The following PCCA variants were observed in gnomAD, a reference collection of about 807,000 sequenced individuals.
PCCA encodes the protein propionyl-CoA carboxylase alpha chain, mitochondrial.
Under a neutral mutation model 101.3 loss-of-function variants are expected in PCCA, and 74 were observed. That is an observed-to-expected ratio of 0.73 (90% CI 0.61 to 0.89). The LOEUF (loss-of-function observed/expected upper bound fraction) is 0.89, where lower values mean the gene tolerates loss of function less well. PCCA is among the 40% of genes least tolerant of loss of function. The pLI, the probability that PCCA is intolerant of heterozygous loss-of-function variation, is 0.00. For missense variants in PCCA, 891 were observed against 907.0 expected (o/e 0.98, Z 0.23); for synonymous variants, 294 against 313.6 (o/e 0.94, Z 0.66).
intron 21 of PCCA, among the ~76,000 whole-genome samples, chr13:100,493,353 T>C (rs1447508509): frequency 6.6e-6 from 1 of 152,052 alleles, no homozygotes; most frequent in Non-Finnish European, 1.5e-5. Context: ...GATGTGGAGG[T>C]GTGCGCTGCC....
intron 8 of PCCA, among the ~76,000 whole-genome samples, chr13:100,239,791 T>C (rs996668896): frequency 1.3e-5 from 2 of 152,190 alleles, no homozygotes; most frequent in Non-Finnish European, 2.9e-5. Flanking sequence ...TTTCCTTTGC[T>C]TGTCTTTCTC....
At position 100,090,586 on chromosome 13, in the gene PCCA, A is replaced by G. The variant is rs187510893; in HGVS notation, c.105+1361A>G. 1.3e-4 allele frequency among the ~76,000 whole-genome samples: 20 copies of G among 152,254 alleles called. No individual in the cohort carries two copies. The East Asian group carries it at 3.1e-3, about 24-fold the overall frequency. On this transcript the variant is annotated intron_variant, in intron 1 of 23. Transcript: ENST00000376285. ...TGTCTTCCACTTCTGGGGAATGAAT[A>G]TGGTTTCTGCTTTCTTAGAAATTTT...
chr13:100,504,506 G>A (rs2152990730), intron 21 of PCCA, among the ~76,000 whole-genome samples: 1 of 152,336 alleles, frequency 6.6e-6, no homozygotes, highest in Non-Finnish European at 1.5e-5. Flanking sequence ...CACCCAGACA[G>A]CCTCCAGTGT....
At chr13:100,149,158 T>G (rs901196470) in intron 4 of PCCA, 33 of 125,642 alleles carry the variant, frequency 2.6e-4, no homozygotes, top group Non-Finnish European at 4.3e-4. Context: ...TATCTGGTTG[T>G]TTGATTTTTT....
chr13:100,134,239 T>G (rs1325792455), intron 4 of PCCA, among the ~76,000 whole-genome samples: 1 of 152,314 alleles, frequency 6.6e-6, no homozygotes, highest in East Asian at 1.9e-4. Flanking sequence ...TTGGATGGGT[T>G]TCTTGACTCT....
At chr13:100,471,601 A>G (rs1406328442) in intron 21 of PCCA, among the ~76,000 whole-genome samples, 1 of 152,214 alleles carries the variant, frequency 6.6e-6, no homozygotes, top group East Asian at 1.9e-4. Flanking sequence ...CAAACACAGC[A>G]AACATTTCAC....
At chr13:100,292,951 GTGTGTGTGTCTGTT>G (rs1220908994) in intron 12 of PCCA, among the ~76,000 whole-genome samples, 1 of 151,752 alleles carries the variant, frequency 6.6e-6, no homozygotes, top group Non-Finnish European at 1.5e-5. Context: ...GTGTGTGTGT[GTGTGTGTGTCTGTT>G]TGTGTGTGTG....
At chr13:100,338,961 C>A (rs1273561301) in intron 17 of PCCA, among the ~76,000 whole-genome samples, 1 of 151,648 alleles carries the variant, frequency 6.6e-6, no homozygotes, top group Non-Finnish European at 1.5e-5. Context: ...TCATTTCTTC[C>A]AAATAAGTTT....
intron 16 of PCCA, among the ~76,000 whole-genome samples, chr13:100,314,963 G>T (rs2067214594): frequency 6.6e-6 from 1 of 152,186 alleles, no homozygotes; most frequent in African/African-American, 2.4e-5. Context: ...AGGCTTGTCT[G>T]ATTTTGATCC....
intron 21 of PCCA, among the ~76,000 whole-genome samples, chr13:100,451,769 TC>T (rs2081271559): frequency 1.1e-5 from 1 of 93,446 alleles, no homozygotes; most frequent in East Asian, 4.3e-4. Flanking sequence ...TCTGTCCTCT[TC>T]CTCTCCTCTC....
At chr13:100,191,510 G>A (rs2057739961) in intron 6 of PCCA, among the ~76,000 whole-genome samples, 1 of 152,200 alleles carries the variant, frequency 6.6e-6, no homozygotes, top group African/African-American at 2.4e-5. Context: ...GAGGCACACA[G>A]CAGCCAAGGA....
At chr13:100,418,579 A>G (rs1363380686) in intron 19 of PCCA, among the ~76,000 whole-genome samples, 1 of 152,114 alleles carries the variant, frequency 6.6e-6, no homozygotes, top group Non-Finnish European at 1.5e-5. Context: ...TGTGGCTCAC[A>G]CCTGTAATCG....
At chr13:100,359,219 G>A (rs1271801110) in intron 18 of PCCA, among the ~76,000 whole-genome samples, 1 of 151,936 alleles carries the variant, frequency 6.6e-6, no homozygotes, top group Non-Finnish European at 1.5e-5. Context: ...CAAAAAGAAA[G>A]GCAAGAGAGT....
chr13:100,429,689 C>T (rs1271632664), intron 20 of PCCA, among the ~76,000 whole-genome samples: 1 of 152,022 alleles, frequency 6.6e-6, no homozygotes, highest in Middle Eastern at 3.2e-3. Flanking sequence ...TCACTGCAAC[C>T]TCTGTCTTTC....
intron 21 of PCCA, among the ~76,000 whole-genome samples, chr13:100,475,167 C>T (rs1178026668): frequency 6.6e-6 from 1 of 152,170 alleles, no homozygotes; most frequent in Non-Finnish European, 1.5e-5. Flanking sequence ...CCTGCTTCAG[C>T]CTCCCAAGTA....
chr13:100,167,248 T>C (rs1489322623), intron 6 of PCCA, among the ~76,000 whole-genome samples: 1 of 152,022 alleles, frequency 6.6e-6, no homozygotes, highest in Non-Finnish European at 1.5e-5. Flanking sequence ...GTTTGAACCT[T>C]TTGAGTCTTA....
At chr13:100,340,054 C>T in intron 17 of PCCA, 103 bp from the exon 18 acceptor site, 2 of 753,488 alleles carry the variant, frequency 2.7e-6, no homozygotes, top group Non-Finnish European at 4.8e-6. Flanking sequence ...ATAATAGATG[C>T]CCTATAAAAT....
chr13:100,223,679 C>T (rs956095934), intron 7 of PCCA, among the ~76,000 whole-genome samples: 44 of 152,072 alleles, frequency 2.9e-4, no homozygotes, highest in Non-Finnish European at 4.1e-4. Flanking sequence ...TTCTCTTATC[C>T]GGCCCCACCC....
At chr13:100,399,072 G>GT (rs1450421473) in intron 19 of PCCA, among the ~76,000 whole-genome samples, 1 of 151,952 alleles carries the variant, frequency 6.6e-6, no homozygotes, top group Non-Finnish European at 1.5e-5. Context: ...TTTTTTCCAT[G>GT]TTAAATATGC....
Sources: allele counts gnomAD v4.1 joint callset (sites outside exome capture counted in the v4.1 genomes callset), GRCh38; gene constraint gnomAD v4.1.1; transcripts MANE v1.5; gene names NCBI Gene and HGNC (gene_info 2026-07-23, HGNC 2026-07-21).